Variants in MLLT3 observed in about 807,000 individuals in gnomAD.
MLLT3 encodes the protein protein AF-9.
Under a neutral mutation model 53.2 loss-of-function variants are expected in MLLT3, and 4 were observed. The ratio of observed to expected loss-of-function variants is 0.08; its 90% CI spans 0.04 to 0.17. The LOEUF is 0.17. Ranked by LOEUF, MLLT3 falls within the 10% of genes least tolerant of loss-of-function variation. The probability of loss-of-function intolerance (pLI) is 1.00; values close to 1 mark genes in which losing one functional copy is unlikely to be tolerated. For synonymous variants in MLLT3, 283 were observed against 230.6 expected, an observed-to-expected ratio of 1.23 and a Z score of -2.06; for missense variants, 569 against 684.0, an observed-to-expected ratio of 0.83 and a Z score of 1.87.
intron 2 of MLLT3, among the ~76,000 whole-genome samples, chr9:20,520,857 G>A (rs796412156): frequency 1.9e-4 from 29 of 152,328 alleles, no homozygotes; most frequent in African/African-American, 5.3e-4. Context: ...GGCCACGGCT[G>A]CAGAAAAAGC....
chr9:20,484,984 T>A (rs1467272486), intron 2 of MLLT3, among the ~76,000 whole-genome samples: 1 of 151,936 alleles, frequency 6.6e-6, no homozygotes, highest in African/African-American at 2.4e-5. Flanking sequence ...TTATTTTTAT[T>A]TTTTTTATTT....
Position 20,520,878 on chromosome 9 carries a change from G to A in MLLT3, c.194-64092C>T, listed in dbSNP as rs1306056844. Among the ~76,000 whole-genome samples, 6 of 152,186 alleles carry A rather than the reference G, an allele frequency of 3.9e-5. 1 individual carries two copies. In the East Asian group the frequency reaches 1.2e-3, roughly 29 times the overall value. On this transcript the variant is annotated intron_variant, in intron 2 of 10. Coordinates refer to ENST00000380338, the MANE Select transcript of MLLT3 (RefSeq NM_004529.4). ...GGCTGCAGAAAAAGCCAGAGACGCA[G>A]CAACTGTCCTAAAGCTGAGGGAAGA...
chr9:20,564,468 G>A (rs1221486527), intron 2 of MLLT3, among the ~76,000 whole-genome samples: 4 of 152,070 alleles, frequency 2.6e-5, no homozygotes, highest in Admixed American at 2.6e-4. Flanking sequence ...CTCGAATTTG[G>A]CAAAATTGCA....
chr9:20,515,970 T>C (rs1817903497), intron 2 of MLLT3, among the ~76,000 whole-genome samples: 1 of 152,160 alleles, frequency 6.6e-6, no homozygotes, highest in South Asian at 2.1e-4. Flanking sequence ...TCACAAGCAA[T>C]GTTACTAGAC....
chr9:20,492,933 T>C (rs1824985912), intron 2 of MLLT3, among the ~76,000 whole-genome samples: 1 of 152,008 alleles, frequency 6.6e-6, no homozygotes, highest in African/African-American at 2.4e-5. Flanking sequence ...GATAGATTCA[T>C]GACCTATCCA....
intron 5 of MLLT3, chr9:20,411,114 G>T (rs189867544): frequency 8.5e-5 from 13 of 152,472 alleles, no homozygotes; most frequent in African/African-American, 2.9e-4. Context: ...CTGAAGTTGG[G>T]CCTGCCCCAA....
intron 2 of MLLT3, among the ~76,000 whole-genome samples, chr9:20,579,751 G>C (rs1046281332): frequency 1.3e-5 from 2 of 152,110 alleles, no homozygotes; most frequent in Non-Finnish European, 2.9e-5. Flanking sequence ...TCCAAATCAA[G>C]TTAGGGACAC....
rs1820998121 is a variant in MLLT3, at chr9:20,621,240, A to T, written c.13-406T>A. Among the ~76,000 whole-genome samples, 1 of 152,186 alleles carries T rather than the reference A, an allele frequency of 6.6e-6. No individual in the cohort carries two copies. Among genetic ancestry groups the T allele is most frequent in the Non-Finnish European group, 1.5e-5 (1 of 68,032 alleles). On this transcript the variant is annotated intron_variant, in intron 1 of 10. Coordinates refer to ENST00000380338, the MANE Select transcript of MLLT3 (RefSeq NM_004529.4). This position sits in a 1 kb window ranked among gnomAD's most constrained non-coding sequence, Gnocchi z 7.0. The stretch of plus-strand genomic sequence containing the variant: ...AGGTGGCTGGGACCCAGGGGGACCG[A>T]AGGGCTCCTGGCGAGCCCCCTCCCC...
At chr9:20,540,986 T>G (rs546775012) in intron 2 of MLLT3, among the ~76,000 whole-genome samples, 2 of 152,228 alleles carry the variant, frequency 1.3e-5, no homozygotes, top group South Asian at 4.1e-4. Context: ...GAATGCTCTT[T>G]GCTTAGAAAT....
intron 2 of MLLT3, among the ~76,000 whole-genome samples, chr9:20,609,685 G>A (rs1022184878): frequency 6.6e-6 from 1 of 152,082 alleles, no homozygotes; most frequent in African/African-American, 2.4e-5. Context: ...ATAGTTGATG[G>A]TTGAGGTGAA....
intron 2 of MLLT3, among the ~76,000 whole-genome samples, chr9:20,601,686 T>C (rs1430478071): frequency 6.6e-6 from 1 of 151,130 alleles, no homozygotes. Flanking sequence ...CTCAATAATG[T>C]AGCTTCAATA....
At chr9:20,360,882 G>A in intron 7 of MLLT3, 41 bp from the exon 8 acceptor site, 5 of 1,522,808 alleles carry the variant, frequency 3.3e-6, no homozygotes, top group Non-Finnish European at 4.6e-6. Flanking sequence ...ATTACAAACA[G>A]ATGATTCTTG....
chr9:20,546,918 G>A (rs1295087350), intron 2 of MLLT3, among the ~76,000 whole-genome samples: 1 of 152,144 alleles, frequency 6.6e-6, no homozygotes, highest in Non-Finnish European at 1.5e-5. Context: ...CAGTTCTTCT[G>A]CCCAGCCTGC....
chr9:20,575,904 C>A (rs1819641120), intron 2 of MLLT3, among the ~76,000 whole-genome samples: 3 of 152,206 alleles, frequency 2.0e-5, no homozygotes, highest in Admixed American at 2.0e-4. Flanking sequence ...GTAAGTCTGT[C>A]CTTTCAAGCT....
chr9:20,404,489 C>A (rs989167134), intron 5 of MLLT3, among the ~76,000 whole-genome samples: 1 of 152,118 alleles, frequency 6.6e-6, no homozygotes, highest in Non-Finnish European at 1.5e-5. Context: ...CTCTCTACTA[C>A]AAAGCTAAAC....
intron 2 of MLLT3, among the ~76,000 whole-genome samples, chr9:20,549,980 C>A (rs1201627948): frequency 6.6e-6 from 1 of 152,188 alleles, no homozygotes; most frequent in Non-Finnish European, 1.5e-5. Flanking sequence ...TTGATCTCAA[C>A]AGAAATCTTG....
rs775989853 is a variant in MLLT3, at chr9:20,345,760, A to G, written c.*683T>C. ...CAAGGACTGGGCCCCAACTTTCAGG[A>G]AAAAGACCACAAAGAAGAAAATCAA... On this transcript the variant is annotated 3_prime_UTR_variant, in exon 11 of 11. Transcript: ENST00000380338. 2 of 219,700 alleles carry G rather than the reference A, an allele frequency of 9.1e-6. No individual in the cohort carries two copies. The highest frequency in any genetic ancestry group is 5.8e-5 in the Admixed American group (1 of 17,308). The allele number at this position is 219,700 out of a possible 1,614,324, so 13.6% of individuals were successfully genotyped here. A position where few individuals can be genotyped will look rare whatever the true frequency, so the allele number is the denominator to read the frequency against.
chr9:20,506,477 T>C (rs537035385), intron 2 of MLLT3, among the ~76,000 whole-genome samples: 1 of 152,316 alleles, frequency 6.6e-6, no homozygotes, highest in African/African-American at 2.4e-5. Flanking sequence ...CTTTTTTTTT[T>C]TAACCTTTTA....
chr9:20,346,426 A>C lies in MLLT3; in HGVS notation c.*17T>G, dbSNP rs771568359. On this transcript the variant is annotated 3_prime_UTR_variant, in exon 11 of 11. Transcript: ENST00000380338. ...AAAAAAACACAATAGTTCTTGATGC[A>C]TCCAGTTGTTATATCCTCAGGATGT... 1.9e-6 allele frequency: 3 copies of C among 1,582,164 alleles called. No individual in the cohort carries two copies. The South Asian group carries it at 3.5e-5, about 19-fold the overall frequency.
Sources: allele counts gnomAD v4.1 joint callset (sites outside exome capture counted in the v4.1 genomes callset), GRCh38; gene constraint gnomAD v4.1.1; non-coding constraint Gnocchi (gnomAD v3.1); transcripts MANE v1.5; gene names NCBI Gene and HGNC (gene_info 2026-07-23, HGNC 2026-07-21).